MARCHF1: variants seen among roughly 807,000 people sequenced by gnomAD.
The protein encoded by MARCHF1 is E3 ubiquitin-protein ligase MARCHF1.
A neutral mutation model predicts 54.2 loss-of-function variants in MARCHF1; 40 were observed. The ratio of observed to expected loss-of-function variants is 0.74; its 90% CI spans 0.57 to 0.96. The LOEUF is 0.96. Ranked by LOEUF, MARCHF1 falls within the 40% of genes least tolerant of loss-of-function variation. The pLI is 0.00. For missense variants in MARCHF1, 586 were observed against 656.5 expected (o/e 0.89, Z 1.17); for synonymous variants, 236 against 236.3 (o/e 1.00, Z 0.01).
At chr4:163,720,479 T>C (rs2111287167) in intron 4 of MARCHF1, among the ~76,000 whole-genome samples, 1 of 152,322 alleles carries the variant, frequency 6.6e-6, no homozygotes, top group East Asian at 1.9e-4. Context: ...CCGGCTTTGT[T>C]CTTTTGGCTT....
intron 2 of MARCHF1, among the ~76,000 whole-genome samples, chr4:164,068,963 G>T (rs1392359844): frequency 3.3e-5 from 5 of 151,450 alleles, no homozygotes; most frequent in African/African-American, 9.7e-5. Context: ...GCACCAATCG[G>T]CACTCTGTAT....
At chr4:163,813,114 C>G (rs531666053) in intron 4 of MARCHF1, among the ~76,000 whole-genome samples, 20 of 152,320 alleles carry the variant, frequency 1.3e-4, no homozygotes, top group South Asian at 6.2e-4. Flanking sequence ...GAATTTGAGT[C>G]TTGAACACTG....
At chr4:164,167,847 G>T (rs530436411) in intron 1 of MARCHF1, among the ~76,000 whole-genome samples, 1 of 151,848 alleles carries the variant, frequency 6.6e-6, no homozygotes, top group Non-Finnish European at 1.5e-5. Context: ...AGAGCTTCTT[G>T]ACATTGGCCT....
intron 1 of MARCHF1, among the ~76,000 whole-genome samples, chr4:164,152,085 C>CA (rs1439877579): frequency 1.2e-4 from 18 of 152,168 alleles, no homozygotes; most frequent in Middle Eastern, 3.4e-3. Context: ...AATCCTTGCC[C>CA]TTATGAAATG....
At chr4:163,742,143 G>A (rs1746214960) in intron 4 of MARCHF1, among the ~76,000 whole-genome samples, 2 of 152,026 alleles carry the variant, frequency 1.3e-5, no homozygotes, top group South Asian at 4.2e-4. Flanking sequence ...AAAAATCATG[G>A]GGACCACTGG....
intron 4 of MARCHF1, among the ~76,000 whole-genome samples, chr4:163,716,947 T>A (rs1415014248): frequency 2.6e-5 from 4 of 151,842 alleles, no homozygotes; most frequent in Non-Finnish European, 4.4e-5. Flanking sequence ...TGTTTTATTA[T>A]TAAATTTAAC....
chr4:163,649,994 C>T (rs1260857225), intron 5 of MARCHF1, among the ~76,000 whole-genome samples: 1 of 151,796 alleles, frequency 6.6e-6, no homozygotes, highest in Non-Finnish European at 1.5e-5. Context: ...AATAAATAGT[C>T]CTGGGTAGAT....
At chr4:164,067,998 A>G (rs1754765902) in intron 2 of MARCHF1, among the ~76,000 whole-genome samples, 2 of 152,252 alleles carry the variant, frequency 1.3e-5, no homozygotes, top group Non-Finnish European at 2.9e-5. Flanking sequence ...CATCAGAGAC[A>G]TGCAAATAAA....
chr4:164,061,646 C>A (rs1402158609), intron 2 of MARCHF1, among the ~76,000 whole-genome samples: 7 of 150,786 alleles, frequency 4.6e-5, no homozygotes, highest in Admixed American at 2.6e-4. Context: ...CTAACCTGCA[C>A]ATTGTGCACA....
At chr4:163,639,400 T>A (rs1742474606) in intron 5 of MARCHF1, among the ~76,000 whole-genome samples, 1 of 152,120 alleles carries the variant, frequency 6.6e-6, no homozygotes. Flanking sequence ...CATCTTTGGG[T>A]GATTCTTCGA....
intron 5 of MARCHF1, among the ~76,000 whole-genome samples, chr4:163,650,252 TA>T (rs1160228150): frequency 6.6e-6 from 1 of 151,970 alleles, no homozygotes; most frequent in East Asian, 1.9e-4. Context: ...CTAATAAACC[TA>T]ATGCAACTAA....
At chr4:163,933,015 T>A (rs1166400448) in intron 3 of MARCHF1, 3 of 1,181,118 alleles carry the variant, frequency 2.5e-6, no homozygotes, top group Non-Finnish European at 2.5e-6. Context: ...ACATCCAATC[T>A]GCCTGGGGCT....
At chr4:164,015,861 C>A (rs1476999545) in intron 2 of MARCHF1, among the ~76,000 whole-genome samples, 1 of 151,322 alleles carries the variant, frequency 6.6e-6, no homozygotes, top group Non-Finnish European at 1.5e-5. Context: ...ATGTAAGTTA[C>A]CAACATACAG....
chr4:163,922,154 G>A (rs1233309960), intron 3 of MARCHF1, among the ~76,000 whole-genome samples: 1 of 138,514 alleles, frequency 7.2e-6, no homozygotes, highest in Admixed American at 8.2e-5. Flanking sequence ...TCATAGGTGG[G>A]AATTGAACAA....
intron 2 of MARCHF1, among the ~76,000 whole-genome samples, chr4:164,100,913 C>T (rs567773624): frequency 8.9e-4 from 136 of 152,188 alleles, no homozygotes; most frequent in Non-Finnish European, 1.4e-3. Flanking sequence ...GCGCACAGTG[C>T]GCGAGCCGAA....
chr4:164,076,083 GA>G (rs1017382126), intron 2 of MARCHF1, among the ~76,000 whole-genome samples: 2 of 151,666 alleles, frequency 1.3e-5, no homozygotes, highest in Non-Finnish European at 2.9e-5. Context: ...ATTTCTGTTT[GA>G]AAAAAGATAA....
At chr4:163,995,127 C>G (rs1753049456) in intron 2 of MARCHF1, among the ~76,000 whole-genome samples, 1 of 152,054 alleles carries the variant, frequency 6.6e-6, no homozygotes, top group Non-Finnish European at 1.5e-5. Flanking sequence ...ACACCAGTCA[C>G]AAGTCCAGAC....
At chr4:163,960,672 G>A (rs1434345479) in intron 3 of MARCHF1, among the ~76,000 whole-genome samples, 1 of 151,816 alleles carries the variant, frequency 6.6e-6, no homozygotes, top group Non-Finnish European at 1.5e-5. Flanking sequence ...AGGGTGGGAG[G>A]AGGGAGAGGA....
intron 3 of MARCHF1, among the ~76,000 whole-genome samples, chr4:163,981,761 A>T (rs1334485908): frequency 6.6e-6 from 1 of 152,190 alleles, no homozygotes; most frequent in Non-Finnish European, 1.5e-5. Flanking sequence ...ATCCTGATTA[A>T]TAAAACATGC....
Sources: gnomAD v4.1 joint callset for allele counts (sites outside exome capture counted in the v4.1 genomes callset) on GRCh38, gnomAD v4.1.1 for gene constraint, MANE v1.5 for transcripts, NCBI Gene and HGNC (gene_info 2026-07-23, HGNC 2026-07-21) for gene names.